The following U2AF2 variants were observed in gnomAD, a reference collection of about 807,000 sequenced individuals.
U2AF2 encodes U2 small nuclear RNA auxiliary factor 2.
Under a neutral mutation model 52.6 loss-of-function variants are expected in U2AF2, and 6 were observed. The observed-to-expected ratio is 0.11, with a 90% CI of 0.06 to 0.23. The LOEUF (loss-of-function observed/expected upper bound fraction) is 0.23. Ranked by LOEUF, U2AF2 falls within the 10% of genes least tolerant of loss-of-function variation. The pLI, the probability that U2AF2 is intolerant of heterozygous loss-of-function variation, is 1.00. For synonymous variants in U2AF2, 284 were observed against 258.2 expected (o/e 1.10, Z -0.96); for missense variants, 222 against 677.1 (o/e 0.33, Z 7.46).
chr19:55,662,265 C>T lies in U2AF2; in HGVS notation c.487-237C>T, dbSNP rs949242917. On this transcript the variant is annotated intron_variant, in intron 5 of 11. Transcript: ENST00000308924. ...TGGCTGTCCCCCAACGCCTGTCCAT[C>T]GCCTGCCCTTGGCCGTCTCTTGCTA... 9.1e-5 allele frequency: 40 copies of T among 439,278 alleles called. No individual in the cohort carries two copies. In the East Asian group the frequency reaches 1.1e-3, roughly 13 times the overall value. The allele number at this position is 439,278 out of a possible 1,614,324, so 27.2% of individuals were successfully genotyped here.
chr19:55,668,041 C>G lies in U2AF2; in HGVS notation c.743-466C>G, dbSNP rs1321359579. 6.6e-6 allele frequency among the ~76,000 whole-genome samples: 1 copy of G among 152,118 alleles called. No homozygotes were observed. The highest frequency in any genetic ancestry group is 2.4e-5 in the African/African-American group (1 of 41,422). The stretch of plus-strand genomic sequence containing the variant: ...TTGTGATCTGCCCGCCTTGGCCTCC[C>G]AAAGTGCTGAGATTACAGGCGTGAG... On this transcript the variant is annotated intron_variant, in intron 7 of 11. Coordinates refer to ENST00000308924, the MANE Select transcript of U2AF2 (RefSeq NM_007279.3). This position sits in a 1 kb window ranked among gnomAD's most constrained non-coding sequence, Gnocchi z 5.5.
rs1471158000 is a variant in U2AF2 at position 55,663,751 on chromosome 19, G to A, written c.742+7G>A. Reference sequence around the variant, plus strand: ...CCCTCCGTCTATGTGCCTGGTGAGTGGGGGATCCATTAAGGGCCCCTTTCT... The same window carrying A: ...CCCTCCGTCTATGTGCCTGGTGAGTAGGGGATCCATTAAGGGCCCCTTTCT... On this transcript the variant is annotated splice_region_variant and intron_variant, in intron 7 of 11. Transcript: ENST00000308924. 2.5e-6 allele frequency: 4 copies of A among 1,614,006 alleles called. No homozygotes were observed. Among genetic ancestry groups the A allele is most frequent in the African/African-American group, 2.7e-5 (2 of 75,044 alleles).
In U2AF2 at chr19:55,668,650, T is replaced by G. The variant is rs1431976442; in HGVS notation, c.823-20T>G. ...CCGCCCCACCTCATCCCAGCCCTGA[T>G]GGACTCTCGGCTACTGCAGGTCAAA... On this transcript the variant is annotated intron_variant, in intron 8 of 11. Coordinates refer to ENST00000308924, the MANE Select transcript of U2AF2 (RefSeq NM_007279.3). The surrounding 1 kb of genome is among the most constrained non-coding windows in gnomAD (Gnocchi z 5.5). The G allele has an allele frequency of 1.9e-6, 3 of 1,593,818 alleles. No homozygotes were observed. The highest frequency in any genetic ancestry group is 8.6e-7 in the Non-Finnish European group (1 of 1,166,354).
At chr19:55,657,707 T>C (rs905992296) in intron 1 of U2AF2, among the ~76,000 whole-genome samples, 1 of 152,220 alleles carries the variant, frequency 6.6e-6, no homozygotes, top group African/African-American at 2.4e-5. Context: ...GGGACAATTA[T>C]ATTGTCATTA....
Position 55,668,382 on chromosome 19 carries a change from C to T in U2AF2, c.743-125C>T. The T allele has an allele frequency of 4.2e-6, 4 of 956,016 alleles. No homozygotes were observed. The highest frequency in any genetic ancestry group is 6.1e-6 in the Non-Finnish European group (4 of 659,742). The allele number at this position is 956,016 out of a possible 1,614,324, so 59.2% of individuals were successfully genotyped here. On this transcript the variant is annotated intron_variant, in intron 7 of 11. Transcript: ENST00000308924. The surrounding 1 kb of genome is among the most constrained non-coding windows in gnomAD (Gnocchi z 5.5). ...CTGGGGTGGGGTGGGCACGTGGCGACCCCTCCCTCGTCAGATCAGGCAGGA... is the reference window on the plus strand; with the variant it reads ...CTGGGGTGGGGTGGGCACGTGGCGATCCCTCCCTCGTCAGATCAGGCAGGA...
rs527497076 is a variant in U2AF2, at chr19:55,668,896, A to G, written c.945+104A>G. 12 of 1,536,548 alleles carry G rather than the reference A, an allele frequency of 7.8e-6. No homozygotes were observed. In the African/African-American group the frequency reaches 1.6e-4, roughly 21 times the overall value. On this transcript the variant is annotated intron_variant, in intron 9 of 11. Transcript: ENST00000308924. This position sits in a 1 kb window ranked among gnomAD's most constrained non-coding sequence, Gnocchi z 5.5. ...TCAGGGGACGGGGCGGGAGGCGGCC[A>G]ACCTGAGGCAGTGCCCTGTGTGTGG...
At position 55,668,148 on chromosome 19, in the gene U2AF2, T is replaced by C. The variant is rs1984663566; in HGVS notation, c.743-359T>C. On this transcript the variant is annotated intron_variant, in intron 7 of 11. Coordinates refer to ENST00000308924, the MANE Select transcript of U2AF2 (RefSeq NM_007279.3). The surrounding 1 kb of genome is among the most constrained non-coding windows in gnomAD (Gnocchi z 5.5). ...GAGAAGGGGTGGGGTGTGTTGTGAC[T>C]CACCAGTAGGTCCCGAGCCCAGGTG... 6.6e-6 allele frequency among the ~76,000 whole-genome samples: 1 copy of C among 152,036 alleles called. No individual in the cohort carries two copies. The highest frequency in any genetic ancestry group is 2.4e-5 in the African/African-American group (1 of 41,368).
intron 10 of U2AF2, 32 bp from the exon 11 acceptor site, chr19:55,669,412 C>G: frequency 6.4e-7 from 1 of 1,568,714 alleles, no homozygotes; most frequent in South Asian, 1.2e-5. Flanking sequence ...TCTGGGCCCC[C>G]TGTGACGCCG....
At chr19:55,657,862 C>T (rs1054736264) in intron 1 of U2AF2, among the ~76,000 whole-genome samples, 10 of 152,114 alleles carry the variant, frequency 6.6e-5, no homozygotes, top group African/African-American at 1.9e-4. Flanking sequence ...CTCTCTATAC[C>T]TTAGTTTCCT....
chr19:55,669,733 C>A, intron 11 of U2AF2, 41 bp downstream of exon 11: 1 of 1,548,702 alleles, frequency 6.5e-7, no homozygotes, highest in East Asian at 2.3e-5. Context: ...ACCCTCTGCC[C>A]CTCCTCTTCT....
At chr19:55,673,578 G>C (rs930778810) in intron 11 of U2AF2, among the ~76,000 whole-genome samples, 9 of 152,154 alleles carry the variant, frequency 5.9e-5, no homozygotes, top group African/African-American at 2.2e-4. Context: ...GGGTGGTTCT[G>C]GGAGCGCCCA....
rs778410885 is a variant in U2AF2, at chr19:55,668,616, C to T, written c.822+30C>T. 3 of 1,265,508 alleles carry T rather than the reference C, an allele frequency of 2.4e-6. No homozygotes were observed. The highest frequency in any genetic ancestry group is 3.4e-6 in the Non-Finnish European group (3 of 877,362). 78.4% of individuals were successfully genotyped at this position (1,265,508 alleles called of 1,614,324 possible). Reference sequence around the variant, plus strand: ...CTTCCCTGCCTCCCTCCAGACCCGTCCCCCCACCCCGCCCCACCTCATCCC... The same window carrying T: ...CTTCCCTGCCTCCCTCCAGACCCGTTCCCCCACCCCGCCCCACCTCATCCC... On this transcript the variant is annotated intron_variant, in intron 8 of 11. Coordinates refer to ENST00000308924, the MANE Select transcript of U2AF2 (RefSeq NM_007279.3). The surrounding 1 kb of genome is among the most constrained non-coding windows in gnomAD (Gnocchi z 5.5).
In U2AF2 at chr19:55,673,879, G is replaced by T; in HGVS notation, c.1294-55G>T. ...TCAGTGCTGGGGTTGGGTGGACGCT[G>T]ACTGGCTGTTGGGCGTGAGCCTTGT... On this transcript the variant is annotated intron_variant, in intron 11 of 11. Coordinates refer to ENST00000308924, the MANE Select transcript of U2AF2 (RefSeq NM_007279.3). 1.9e-6 allele frequency: 3 copies of T among 1,567,298 alleles called. No individual in the cohort carries two copies. The South Asian group carries it at 3.6e-5, about 19-fold the overall frequency.
At chr19:55,669,336 T>G in intron 10 of U2AF2, 108 bp from the exon 11 acceptor site, 2 of 1,542,572 alleles carry the variant, frequency 1.3e-6, no homozygotes, top group Non-Finnish European at 1.7e-6. Context: ...GTGTTGGAAG[T>G]GGAGAGATGG....
intron 5 of U2AF2, chr19:55,661,452 C>A: frequency 2.2e-6 from 1 of 448,700 alleles, no homozygotes; most frequent in South Asian, 4.3e-5. Context: ...CATAATGTAC[C>A]CACGTGTTGT....
intron 11 of U2AF2, among the ~76,000 whole-genome samples, chr19:55,670,025 A>C (rs1354260963): frequency 2.0e-5 from 3 of 152,022 alleles, no homozygotes; most frequent in African/African-American, 7.3e-5. Flanking sequence ...GGCTTGTGCA[A>C]ATGGTTTTGC....
At chr19:55,664,495 G>A (rs1406897852) in intron 7 of U2AF2, among the ~76,000 whole-genome samples, 2 of 152,228 alleles carry the variant, frequency 1.3e-5, no homozygotes, top group African/African-American at 4.8e-5. Flanking sequence ...TGATGAATGG[G>A]ATTTGAGGGA....
In U2AF2 at chr19:55,668,974, C is replaced by T; in HGVS notation, c.946-109C>T. On this transcript the variant is annotated intron_variant, in intron 9 of 11. Coordinates refer to ENST00000308924, the MANE Select transcript of U2AF2 (RefSeq NM_007279.3). This position sits in a 1 kb window ranked among gnomAD's most constrained non-coding sequence, Gnocchi z 5.5. ...TTTTCCAGGCTCTTAATCCCCTTTG[C>T]CTTCCCCTCTTCCCCCACCAATGCC... 6.7e-6 allele frequency: 10 copies of T among 1,484,784 alleles called. No homozygotes were observed. Among genetic ancestry groups the T allele is most frequent in the Non-Finnish European group, 9.1e-6 (10 of 1,097,500 alleles). The allele number at this position is 1,484,784 out of a possible 1,614,324, so 92.0% of individuals were successfully genotyped here. A position where few individuals can be genotyped will look rare whatever the true frequency, so the allele number is the denominator to read the frequency against.
At chr19:55,660,660 A>G (rs771740124) in intron 4 of U2AF2, 41 bp downstream of exon 4, 5 of 1,570,254 alleles carry the variant, frequency 3.2e-6, no homozygotes, top group East Asian at 4.5e-5. Context: ...GGGAGGGTAC[A>G]GGGGTTGGGA....
Sources: gnomAD v4.1 joint callset for allele counts (sites outside exome capture counted in the v4.1 genomes callset) on GRCh38, gnomAD v4.1.1 for gene constraint, Gnocchi (gnomAD v3.1) non-coding constraint, MANE v1.5 for transcripts, NCBI Gene and HGNC (gene_info 2026-07-23, HGNC 2026-07-21) for gene names.